The following TBX5 variants were observed in gnomAD, a reference collection of about 807,000 sequenced individuals.
The protein encoded by TBX5 is T-box transcription factor TBX5.
A neutral mutation model predicts 51.1 loss-of-function variants in TBX5; 8 were observed. The ratio of observed to expected loss-of-function variants is 0.16; its 90% CI spans 0.09 to 0.28. The LOEUF (loss-of-function observed/expected upper bound fraction) is 0.28, where lower values mean the gene tolerates loss of function less well. Ranked by LOEUF, TBX5 falls within the 10% of genes least tolerant of loss-of-function variation. The pLI, the probability that TBX5 is intolerant of heterozygous loss-of-function variation, is 1.00. For synonymous variants in TBX5, 302 were observed against 266.4 expected, an observed-to-expected ratio of 1.13 and a Z score of -1.30; for missense variants, 589 against 671.7, an observed-to-expected ratio of 0.88 and a Z score of 1.36.
chr12:114,404,509 T>C (rs536159490), intron 1 of TBX5, among the ~76,000 whole-genome samples: 19 of 152,280 alleles, frequency 1.2e-4, no homozygotes, highest in Non-Finnish European at 2.4e-4. Flanking sequence ...TTGTGCAGAT[T>C]GAGACTAGGT....
intron 7 of TBX5, among the ~76,000 whole-genome samples, chr12:114,384,873 G>C (rs995405705): frequency 1.1e-4 from 17 of 152,256 alleles, no homozygotes; most frequent in Admixed American, 5.2e-4. Context: ...GGCAATGCTT[G>C]TACAATCCTT....
Position 114,372,836 on chromosome 12 carries a change from G to A in TBX5, c.756-6445C>T, listed in dbSNP as rs1246636155. The stretch of plus-strand genomic sequence containing the variant: ...GTGCCTTCCTTCAGTATCCAGGCAC[G>A]AACTAGACCACTCCATTGCTGGCTA... On this transcript the variant is annotated intron_variant, in intron 7 of 8. Coordinates refer to ENST00000405440, the MANE Select transcript of TBX5 (RefSeq NM_181486.4). Among the ~76,000 whole-genome samples, 7 of 152,082 alleles carry A rather than the reference G, an allele frequency of 4.6e-5. No homozygotes were observed. The South Asian group carries it at 8.3e-4, about 18-fold the overall frequency.
At chr12:114,391,504 A>G (rs1871141368) in intron 6 of TBX5, among the ~76,000 whole-genome samples, 2 of 152,318 alleles carry the variant, frequency 1.3e-5, no homozygotes, top group South Asian at 4.1e-4. Flanking sequence ...CAGGTCCCAC[A>G]TGACACACTT....
chr12:114,393,880 TG>T (rs1224549708), intron 6 of TBX5, among the ~76,000 whole-genome samples: 4 of 152,206 alleles, frequency 2.6e-5, no homozygotes, highest in Admixed American at 2.6e-4. Context: ...CAGGTTGCTC[TG>T]TTTTCATTTT....
At chr12:114,367,530 T>G (rs1869614526) in intron 7 of TBX5, among the ~76,000 whole-genome samples, 1 of 152,134 alleles carries the variant, frequency 6.6e-6, no homozygotes, top group African/African-American at 2.4e-5. Flanking sequence ...GTTCCCATTT[T>G]TTTTCCTCAG....
At chr12:114,400,779 C>A (rs1280046390) in intron 3 of TBX5, among the ~76,000 whole-genome samples, 2 of 152,228 alleles carry the variant, frequency 1.3e-5, no homozygotes, top group African/African-American at 4.8e-5. Flanking sequence ...ATAAACAGAA[C>A]GCGCCTCCTA....
In TBX5 at chr12:114,355,181, C is replaced by T. The variant is rs1868804800; in HGVS notation, c.*351G>A. ...CAACTACGCACTAGGGAAAAACACT[C>T]AATGAGGCAAGACTTTCTAGAGCCC... On this transcript the variant is annotated 3_prime_UTR_variant, in exon 9 of 9. Transcript: ENST00000405440. 7.9e-6 allele frequency: 3 copies of T among 381,520 alleles called. No individual in the cohort carries two copies. Among genetic ancestry groups the T allele is most frequent in the Non-Finnish European group, 1.5e-5 (3 of 198,714 alleles). The allele number at this position is 381,520 out of a possible 1,614,324, so 23.6% of individuals were successfully genotyped here. A position where few individuals can be genotyped will look rare whatever the true frequency, so the allele number is the denominator to read the frequency against.
rs371873510 is a variant in TBX5, at chr12:114,356,119, G to A, written c.983-13C>T. The A allele has an allele frequency of 1.1e-5, 18 of 1,606,710 alleles. No individual in the cohort carries two copies. The highest frequency in any genetic ancestry group is 1.5e-5 in the Non-Finnish European group (18 of 1,179,786). The stretch of plus-strand genomic sequence containing the variant: ...GAACATTCTTCCTCTGTGAAGACAG[G>A]AGAGACAGCAGTGAGGCCAGGAGCA... On this transcript the variant is annotated splice_polypyrimidine_tract_variant and intron_variant, in intron 8 of 8. Coordinates refer to ENST00000405440, the MANE Select transcript of TBX5 (RefSeq NM_181486.4).
intron 1 of TBX5, among the ~76,000 whole-genome samples, chr12:114,404,906 A>C (rs1872102852): frequency 1.3e-5 from 2 of 152,228 alleles, no homozygotes; most frequent in African/African-American, 4.8e-5. Context: ...GGGTCCCCGC[A>C]ATGCATAGAA....
intron 7 of TBX5, among the ~76,000 whole-genome samples, chr12:114,376,373 A>G (rs549329092): frequency 3.6e-4 from 55 of 152,350 alleles, no homozygotes; most frequent in Middle Eastern, 3.4e-3. Context: ...GGACATTGTT[A>G]AGTGAAACAA....
At chr12:114,364,347 C>T (rs1869397220) in intron 8 of TBX5, among the ~76,000 whole-genome samples, 1 of 152,160 alleles carries the variant, frequency 6.6e-6, no homozygotes, top group African/African-American at 2.4e-5. Flanking sequence ...TCTTTTAGAG[C>T]AAAACAGCTA....
chr12:114,382,574 G>A (rs1870563086), intron 7 of TBX5, among the ~76,000 whole-genome samples: 1 of 151,830 alleles, frequency 6.6e-6, no homozygotes, highest in African/African-American at 2.4e-5. Flanking sequence ...CGAGGCGGGT[G>A]GATTGCCTGA....
chr12:114,363,670 G>A (rs139787191), intron 8 of TBX5, among the ~76,000 whole-genome samples: 124 of 152,320 alleles, frequency 8.1e-4, no homozygotes, highest in African/African-American at 2.8e-3. Context: ...AAATGCACAC[G>A]TATAGAATCT....
Position 114,401,892 on chromosome 12 carries a change from T to C in TBX5, c.176A>G (p.His59Arg). ...GAATTTTAGCCACAGTTCTCTTTCATGGAGAAACACTTTGATTCCCTCCAT... is the reference window on the plus strand; with the variant it reads ...GAATTTTAGCCACAGTTCTCTTTCACGGAGAAACACTTTGATTCCCTCCAT... The part of the protein sequence containing the change: ...QGMEGIKVFL[H>R]ERELWLKFHE... The change falls in exon 3 of 9, where the codon CAT becomes CGT. Residue 59 changes from histidine to arginine, a missense_variant. His to Arg is a conservative substitution (Grantham distance 29). Coordinates refer to ENST00000405440, the MANE Select transcript of TBX5 (RefSeq NM_181486.4). 3 of 1,614,188 alleles carry C rather than the reference T, an allele frequency of 1.9e-6. No homozygotes were observed. Among genetic ancestry groups the C allele is most frequent in the Middle Eastern group, 1.6e-4 (1 of 6,062 alleles).
chr12:114,383,380 C>G (rs1249068442), intron 7 of TBX5, among the ~76,000 whole-genome samples: 2 of 152,126 alleles, frequency 1.3e-5, no homozygotes, highest in Non-Finnish European at 2.9e-5. Flanking sequence ...AGGTTTGAAG[C>G]CTTTCCTTTA....
intron 6 of TBX5, among the ~76,000 whole-genome samples, chr12:114,388,739 CT>C (rs36014296): frequency 1.5e-3 from 145 of 96,888 alleles, no homozygotes; most frequent in African/African-American, 2.6e-3. Context: ...CTCCCTCAAC[CT>C]TTTTTTTTTT....
upstream of TBX5, chr12:114,407,676 C>A (rs989957887): frequency 9.0e-6 from 7 of 781,866 alleles, no homozygotes; most frequent in African/African-American, 9.4e-5. Context: ...ACACACGAAG[C>A]CATTCTTATT....
At chr12:114,375,686 G>A (rs1870148619) in intron 7 of TBX5, among the ~76,000 whole-genome samples, 1 of 152,146 alleles carries the variant, frequency 6.6e-6, no homozygotes, top group African/African-American at 2.4e-5. Context: ...CACACTGCTG[G>A]TGGGAATGCA....
Position 114,379,702 on chromosome 12 carries a change from C to T in TBX5, c.755+5774G>A, listed in dbSNP as rs181939324. Among the ~76,000 whole-genome samples the T allele has an allele frequency of 7.2e-3, 1,095 of 152,318 alleles. 7 individuals carry two copies. The highest frequency in any genetic ancestry group is 9.8e-3 in the Non-Finnish European group (667 of 68,030). On this transcript the variant is annotated intron_variant, in intron 7 of 8. Coordinates refer to ENST00000405440, the MANE Select transcript of TBX5 (RefSeq NM_181486.4). ...AGAAAAGCCCTGGAGCTGCTCAGCGCGGCAGCCTGGACCCCAGCTCCTGGG... is the reference window on the plus strand; with the variant it reads ...AGAAAAGCCCTGGAGCTGCTCAGCGTGGCAGCCTGGACCCCAGCTCCTGGG...
Sources: allele counts gnomAD v4.1 joint callset (sites outside exome capture counted in the v4.1 genomes callset), GRCh38; gene constraint gnomAD v4.1.1; transcripts MANE v1.5; gene names NCBI Gene and HGNC (gene_info 2026-07-23, HGNC 2026-07-21).